FRMD5: variants seen among roughly 807,000 people sequenced by gnomAD.
FRMD5 encodes the protein FERM domain-containing protein 5.
Under a neutral mutation model 69.0 loss-of-function variants are expected in FRMD5, and 20 were observed. The observed-to-expected ratio is 0.29, with a 90% CI of 0.20 to 0.42. The LOEUF (loss-of-function observed/expected upper bound fraction) is 0.42, where lower values mean the gene tolerates loss of function less well. Among genes scored for constraint, FRMD5 ranks in the 10% least tolerant of loss-of-function variants. The pLI is 1.00. For synonymous variants in FRMD5, 271 were observed against 260.1 expected (o/e 1.04, Z -0.40); for missense variants, 595 against 708.6 (o/e 0.84, Z 1.82).
intron 1 of FRMD5, among the ~76,000 whole-genome samples, chr15:43,993,803 G>C (rs1330827371): frequency 6.6e-6 from 1 of 152,154 alleles, no homozygotes. Context: ...ATAGTCTCTT[G>C]ATGAACTGAC....
intron 1 of FRMD5, among the ~76,000 whole-genome samples, chr15:44,191,893 ATATATATATATATATATATATATATATAT>A (rs921209752): frequency 0.34 from 153 of 448 alleles, 4 homozygotes; most frequent in South Asian, 0.5. Context: ...AATGTGGTAA[ATATATATATATATATATATATATATATAT>A]TATATATATA....
Position 43,909,912 on chromosome 15 carries a change from C to T in FRMD5, c.397G>A (p.Ala133Thr). Residue 133 changes from alanine (A) to threonine (T), a missense_variant, in exon 5 of 14, where the codon GCT becomes ACT. Around this residue, in one of 5 missense-constraint regions of FRMD5, gnomAD observed 79 missense variants for 139.9 expected, o/e 0.56. Coordinates refer to ENST00000417257, the MANE Select transcript of FRMD5 (RefSeq NM_032892.5). ...HGRLLCKTSD[A>T]ALLAAYILQA... The stretch of plus-strand genomic sequence containing the variant: ...AGGATGTAAGCTGCTAACAAGGCAG[C>T]ATCCGATGTTTTACAGAGGAGTCGG... 1.2e-6 allele frequency: 2 copies of T among 1,613,060 alleles called. No homozygotes were observed. Among genetic ancestry groups the T allele is most frequent in the Non-Finnish European group, 8.5e-7 (1 of 1,179,214 alleles).
At chr15:44,191,938 A>ATATATC (rs2078203726) in intron 1 of FRMD5, among the ~76,000 whole-genome samples, 44 of 125,856 alleles carry the variant, frequency 3.5e-4, no homozygotes, top group African/African-American at 1.3e-3. Flanking sequence ...ATATATATAT[A>ATATATC]TATGTATCTC....
intron 1 of FRMD5, among the ~76,000 whole-genome samples, chr15:44,113,250 T>C (rs1448372539): frequency 6.6e-6 from 1 of 152,208 alleles, no homozygotes; most frequent in East Asian, 1.9e-4. Context: ...ACAATCTGCA[T>C]TGTAGGGTTT....
chr15:44,171,001 T>G (rs998062117), intron 1 of FRMD5, among the ~76,000 whole-genome samples: 6 of 152,240 alleles, frequency 3.9e-5, no homozygotes, highest in Admixed American at 3.3e-4. Context: ...TGATGTAATC[T>G]CTTCATGTTG....
intron 1 of FRMD5, among the ~76,000 whole-genome samples, chr15:44,042,698 T>G (rs1175915753): frequency 2.6e-5 from 4 of 152,228 alleles, no homozygotes; most frequent in African/African-American, 9.6e-5. Context: ...TCTCAATAGA[T>G]GCAGAAAAGG....
chr15:43,939,075 T>G (rs2140482904), intron 1 of FRMD5, among the ~76,000 whole-genome samples: 1 of 152,200 alleles, frequency 6.6e-6, no homozygotes, highest in East Asian at 1.9e-4. Context: ...TTCCCCATGT[T>G]GGCCTGGCAG....
At chr15:43,909,779 C>A in intron 5 of FRMD5, 103 bp downstream of exon 5, 2 of 678,102 alleles carry the variant, frequency 2.9e-6, no homozygotes, top group South Asian at 3.7e-5. Flanking sequence ...AGCACCTGGC[C>A]TAGATAATGT....
intron 1 of FRMD5, among the ~76,000 whole-genome samples, chr15:44,190,356 A>G (rs773845250): frequency 6.6e-6 from 1 of 152,162 alleles, no homozygotes; most frequent in Non-Finnish European, 1.5e-5. Flanking sequence ...CTAAGGGGAA[A>G]AGTGTGAAGG....
At chr15:44,030,712 G>A (rs1429487378) in intron 1 of FRMD5, among the ~76,000 whole-genome samples, 2 of 149,818 alleles carry the variant, frequency 1.3e-5, no homozygotes, top group African/African-American at 4.8e-5. Flanking sequence ...AAAAGGAGAA[G>A]GTGAAGGAGG....
intron 1 of FRMD5, among the ~76,000 whole-genome samples, chr15:44,005,916 A>G (rs1890426699): frequency 6.6e-6 from 1 of 152,230 alleles, no homozygotes; most frequent in African/African-American, 2.4e-5. Context: ...AAGATGAAGT[A>G]GTAAGTGCTG....
At chr15:44,195,839 G>A (rs552585298), upstream of FRMD5, among the ~76,000 whole-genome samples, 11 of 152,340 alleles carry the variant, frequency 7.2e-5, no homozygotes, top group African/African-American at 2.4e-4. Context: ...GGACCTCAGA[G>A]GTTCTGAAGT....
intron 1 of FRMD5, among the ~76,000 whole-genome samples, chr15:44,019,737 CA>C (rs1189890743): frequency 0.013 from 317 of 23,516 alleles, no homozygotes; most frequent in South Asian, 0.034. Flanking sequence ...GAGTCTGTCT[CA>C]AAAAAAAAAA....
At chr15:44,017,328 ACT>A (rs1211154988) in intron 1 of FRMD5, among the ~76,000 whole-genome samples, 2 of 148,324 alleles carry the variant, frequency 1.3e-5, no homozygotes, top group Non-Finnish European at 3.0e-5. Flanking sequence ...AAAAAGCGAG[ACT>A]CTGTCTCAGA....
At chr15:43,986,125 C>G (rs561676363) in intron 1 of FRMD5, among the ~76,000 whole-genome samples, 1 of 152,342 alleles carries the variant, frequency 6.6e-6, no homozygotes, top group African/African-American at 2.4e-5. Flanking sequence ...CAGTTCACAA[C>G]ATAAATAACA....
At chr15:44,170,297 C>A (rs2077778348) in intron 1 of FRMD5, among the ~76,000 whole-genome samples, 1 of 152,148 alleles carries the variant, frequency 6.6e-6, no homozygotes, top group South Asian at 2.1e-4. Flanking sequence ...CCAAGACAGG[C>A]AGATCACCTG....
At chr15:44,178,509 C>A (rs980903559) in intron 1 of FRMD5, among the ~76,000 whole-genome samples, 2 of 151,980 alleles carry the variant, frequency 1.3e-5, no homozygotes, top group African/African-American at 4.8e-5. Context: ...TTATATATTG[C>A]CGATGACAGA....
chr15:44,043,209 A>G (rs1208138481), intron 1 of FRMD5, among the ~76,000 whole-genome samples: 1 of 152,220 alleles, frequency 6.6e-6, no homozygotes, highest in Non-Finnish European at 1.5e-5. Flanking sequence ...TAGGAATACA[A>G]CTTACAAGGG....
intron 1 of FRMD5, among the ~76,000 whole-genome samples, chr15:44,068,127 C>T (rs1893386752): frequency 6.6e-6 from 1 of 152,178 alleles, no homozygotes; most frequent in Admixed American, 6.5e-5. Context: ...CTGGAACTCT[C>T]ACATATTGCT....
Sources: gnomAD v4.1 joint callset for allele counts (sites outside exome capture counted in the v4.1 genomes callset) on GRCh38, gnomAD v4.1.1 for gene constraint, gnomAD v4.1.1 regional missense constraint, MANE v1.5 for transcripts, NCBI Gene and HGNC (gene_info 2026-07-23, HGNC 2026-07-21) for gene names.